The following RYR3 variants were observed in gnomAD, a reference collection of about 807,000 sequenced individuals.
The protein encoded by RYR3 is ryanodine receptor 3.
A neutral mutation model predicts 584.3 loss-of-function variants in RYR3; 207 were observed. The observed-to-expected ratio is 0.35, with a 90% confidence interval of 0.32 to 0.40. The LOEUF (loss-of-function observed/expected upper bound fraction) is 0.40, where lower values mean the gene tolerates loss of function less well. Among genes scored for constraint, RYR3 ranks in the 10% least tolerant of loss-of-function variants. The pLI is 1.00. For synonymous variants in RYR3, 2,416 were observed against 2,248.5 expected (o/e 1.07, Z -2.11); for missense variants, 5,616 against 6,089.2 (o/e 0.92, Z 2.59).
chr15:33,731,288 T>A (rs2068927298), intron 47 of RYR3, among the ~76,000 whole-genome samples, 186 bp from the exon 48 acceptor site: 1 of 152,108 alleles, frequency 6.6e-6, no homozygotes, highest in African/African-American at 2.4e-5. Context: ...TTAACTTGAT[T>A]TTTTTTCATT....
intron 1 of RYR3, among the ~76,000 whole-genome samples, chr15:33,320,808 T>A (rs1968863063): frequency 6.6e-6 from 1 of 152,222 alleles, no homozygotes; most frequent in African/African-American, 2.4e-5. Context: ...TTTATTATTG[T>A]CTCAACAAAA....
chr15:33,434,674 G>C (rs1404244331), intron 1 of RYR3, among the ~76,000 whole-genome samples: 1 of 152,082 alleles, frequency 6.6e-6, no homozygotes, highest in Admixed American at 6.5e-5. Context: ...GGGTATTACC[G>C]ATAACTGTGT....
At chr15:33,431,205 G>T (rs2045110541) in intron 1 of RYR3, among the ~76,000 whole-genome samples, 1 of 152,094 alleles carries the variant, frequency 6.6e-6, no homozygotes, top group African/African-American at 2.4e-5. Context: ...ATTATCTACT[G>T]CCACGTAACA....
chr15:33,526,665 G>A (rs907385168), intron 3 of RYR3, among the ~76,000 whole-genome samples: 6 of 150,780 alleles, frequency 4.0e-5, no homozygotes, highest in African/African-American at 1.5e-4. Context: ...CCATCTGTAA[G>A]ATGAAACCAA....
chr15:33,766,545 G>T (rs2073092237), intron 60 of RYR3, among the ~76,000 whole-genome samples: 1 of 152,156 alleles, frequency 6.6e-6, no homozygotes, highest in African/African-American at 2.4e-5. Context: ...AGGTGTGTCT[G>T]TTTTCTTTAT....
At chr15:33,808,726 G>T (rs1224456923) in intron 70 of RYR3, among the ~76,000 whole-genome samples, 1 of 152,202 alleles carries the variant, frequency 6.6e-6, no homozygotes, top group African/African-American at 2.4e-5. Flanking sequence ...GCCAGTGATA[G>T]TTGGCACACG....
In RYR3 at chr15:33,662,197, G is replaced by T; in HGVS notation, c.4667G>T (p.Arg1556Leu). The T allele has an allele frequency of 6.2e-7, 1 of 1,607,182 alleles. No homozygotes were observed. Among genetic ancestry groups the T allele is most frequent in the Non-Finnish European group, 8.5e-7 (1 of 1,177,528 alleles). Residue 1556 changes from arginine (R) to leucine (L), a missense_variant, in exon 35 of 104, where the codon CGG becomes CTG. Arg to Leu is a moderately radical substitution (Grantham distance 102). Coordinates refer to ENST00000634891, the MANE Select transcript of RYR3 (RefSeq NM_001036.6). ...CTCTGTGAGCAGGAGGACCTGATGC[G>T]GTTCCATTACCACACGCTGAGGCTC... ...LELCEQEDLM[R>L]FHYHTLRLYS...
intron 13 of RYR3, 119 bp from the exon 14 acceptor site, chr15:33,581,389 C>A: frequency 9.9e-7 from 1 of 1,012,174 alleles, no homozygotes; most frequent in Non-Finnish European, 1.5e-6. Context: ...CCATGAAGGT[C>A]TATTTGCATA....
At chr15:33,381,316 G>C (rs532385552) in intron 1 of RYR3, among the ~76,000 whole-genome samples, 1 of 152,280 alleles carries the variant, frequency 6.6e-6, no homozygotes, top group African/African-American at 2.4e-5. Context: ...GTGACACCAG[G>C]AATTAGCAGC....
intron 35 of RYR3, 142 bp downstream of exon 35, chr15:33,663,090 G>C (rs1272280477): frequency 1.4e-6 from 1 of 732,896 alleles, no homozygotes; most frequent in Non-Finnish European, 2.3e-6. Context: ...TGATGATTAT[G>C]GTGCTTGTTG....
intron 46 of RYR3, among the ~76,000 whole-genome samples, chr15:33,726,726 C>G (rs1596327808): frequency 6.6e-6 from 1 of 152,256 alleles, no homozygotes; most frequent in African/African-American, 2.4e-5. Flanking sequence ...AATAAATCGA[C>G]TCCTGATTCC....
At chr15:33,760,573 A>G (rs1015151190) in intron 60 of RYR3, among the ~76,000 whole-genome samples, 4 of 152,242 alleles carry the variant, frequency 2.6e-5, no homozygotes, top group Non-Finnish European at 5.9e-5. Flanking sequence ...ATATATGTGC[A>G]CTAAATACAG....
intron 48 of RYR3, among the ~76,000 whole-genome samples, chr15:33,732,496 G>T (rs533598570): frequency 2.7e-4 from 41 of 152,124 alleles, no homozygotes; most frequent in Admixed American, 4.6e-4. Flanking sequence ...TTTTATGACT[G>T]CAGATGGGCA....
intron 1 of RYR3, among the ~76,000 whole-genome samples, chr15:33,379,548 A>G (rs1373708874): frequency 2.0e-5 from 3 of 152,060 alleles, no homozygotes; most frequent in Non-Finnish European, 4.4e-5. Flanking sequence ...CTGGAAGCAA[A>G]TAATGGAATT....
chr15:33,752,360 G>T (rs1041026197), intron 57 of RYR3, among the ~76,000 whole-genome samples: 1 of 152,178 alleles, frequency 6.6e-6, no homozygotes, highest in Admixed American at 6.5e-5. Context: ...TCCTATTCAT[G>T]AGCATAGAAT....
chr15:33,425,923 T>C (rs1262322954), intron 1 of RYR3, among the ~76,000 whole-genome samples: 1 of 152,196 alleles, frequency 6.6e-6, no homozygotes, highest in Non-Finnish European at 1.5e-5. Context: ...ATTACAGGCA[T>C]GAGCCACCGC....
At chr15:33,845,420 T>C (rs1176657348) in intron 93 of RYR3, among the ~76,000 whole-genome samples, 1 of 152,128 alleles carries the variant, frequency 6.6e-6, no homozygotes, top group Non-Finnish European at 1.5e-5. Flanking sequence ...GCCCAGCTAA[T>C]TTTTGTATTT....
chr15:33,663,056 G>A, intron 35 of RYR3, 108 bp downstream of exon 35: 5 of 910,514 alleles, frequency 5.5e-6, no homozygotes, highest in Non-Finnish European at 6.8e-6. Flanking sequence ...CAAGTGCTTG[G>A]CATAGTGACT....
chr15:33,370,018 A>G (rs1043398722), intron 1 of RYR3, among the ~76,000 whole-genome samples: 1 of 152,224 alleles, frequency 6.6e-6, no homozygotes, highest in Non-Finnish European at 1.5e-5. Context: ...CTTGAATTTA[A>G]GGGACACTTT....
Sources: gnomAD v4.1 joint callset for allele counts (sites outside exome capture counted in the v4.1 genomes callset) on GRCh38, gnomAD v4.1.1 for gene constraint, MANE v1.5 for transcripts, NCBI Gene and HGNC (gene_info 2026-07-23, HGNC 2026-07-21) for gene names.